Variants in GM2A observed in about 807,000 individuals in gnomAD.
GM2A encodes the protein GM2 ganglioside activator.
In GM2A, 7 loss-of-function variants were observed where a neutral mutation model predicts 12.9. The ratio of observed to expected loss-of-function variants is 0.54; its 90% CI spans 0.31 to 1.02. The LOEUF (loss-of-function observed/expected upper bound fraction) is 1.02, where lower values mean the gene tolerates loss of function less well. Ranked by LOEUF, GM2A falls within the 50% of genes least tolerant of loss-of-function variation. GM2A has a pLI of 0.05. For missense variants in GM2A, 246 were observed against 241.0 expected, an observed-to-expected ratio of 1.02 and a Z score of -0.14; for synonymous variants, 101 against 96.0, an observed-to-expected ratio of 1.05 and a Z score of -0.30.
In GM2A at chr5:151,267,481, G is replaced by C; in HGVS notation, c.*30G>C. 1 of 1,614,022 alleles carries C rather than the reference G, an allele frequency of 6.2e-7. No individual in the cohort carries two copies. Among genetic ancestry groups the C allele is most frequent in the South Asian group, 1.1e-5 (1 of 91,052 alleles). On this transcript the variant is annotated 3_prime_UTR_variant, in exon 4 of 4. Transcript: ENST00000357164. ...GCATCTGCCACAGCAGAATGGAGCG[G>C]TGTGAGGAAGGTCCCTTTTCCTCTG... is the stretch of plus-strand genomic sequence containing the variant.
At position 151,267,694 on chromosome 5, in the gene GM2A, A is replaced by G; in HGVS notation, c.*243A>G. 3 of 1,443,626 alleles carry G rather than the reference A, an allele frequency of 2.1e-6. No individual in the cohort carries two copies. The highest frequency in any genetic ancestry group is 1.2e-5 in the South Asian group (1 of 80,500). The allele number at this position is 1,443,626 out of a possible 1,614,324, so 89.4% of individuals were successfully genotyped here. On this transcript the variant is annotated 3_prime_UTR_variant, in exon 4 of 4. Transcript: ENST00000357164. Reference sequence around the variant, plus strand: ...GCCCAGGGCATCTGCTGGGCTGACCACGTTACTCATCCCCGTTAACATTCT... The same window carrying G: ...GCCCAGGGCATCTGCTGGGCTGACCGCGTTACTCATCCCCGTTAACATTCT...
At chr5:151,261,571 T>C (rs935609297) in intron 2 of GM2A, among the ~76,000 whole-genome samples, 11 of 152,342 alleles carry the variant, frequency 7.2e-5, no homozygotes, top group Non-Finnish European at 1.6e-4. Context: ...CCCAAAGTGC[T>C]GGGATTACAG....
In GM2A at chr5:151,270,096, G is replaced by A; in HGVS notation, c.*2645G>A. On this transcript the variant is annotated 3_prime_UTR_variant, in exon 4 of 4. Coordinates refer to ENST00000357164, the MANE Select transcript of GM2A (RefSeq NM_000405.5). The stretch of plus-strand genomic sequence containing the variant: ...TCTGCTCTTGGGTCATATGTTCCGT[G>A]AGGTTTCTTAGGGGTGGGGGATGAG... 1 of 1,231,246 alleles carries A rather than the reference G, an allele frequency of 8.1e-7. No individual in the cohort carries two copies. The highest frequency in any genetic ancestry group is 1.0e-6 in the Non-Finnish European group (1 of 987,954). 76.3% of individuals were successfully genotyped at this position (1,231,246 alleles called of 1,614,324 possible).
intron 2 of GM2A, among the ~76,000 whole-genome samples, chr5:151,260,929 A>G (rs1203139391): frequency 6.6e-6 from 1 of 151,526 alleles, no homozygotes; most frequent in Non-Finnish European, 1.5e-5. Context: ...TATACTTGCT[A>G]TTTTTTTTGC....
At chr5:151,262,425 A>G (rs369518260) in intron 2 of GM2A, among the ~76,000 whole-genome samples, 42 of 152,366 alleles carry the variant, frequency 2.8e-4, no homozygotes, top group African/African-American at 9.9e-4. Context: ...TACCTGAGTT[A>G]GAAAATCATG....
At chr5:151,256,046 G>A (rs967895746) in intron 1 of GM2A, among the ~76,000 whole-genome samples, 2 of 152,126 alleles carry the variant, frequency 1.3e-5, no homozygotes, top group Non-Finnish European at 2.9e-5. Context: ...TAAAGATGGG[G>A]GTGGGGGGTG....
chr5:151,254,748 A>G (rs567393525), intron 1 of GM2A, among the ~76,000 whole-genome samples: 3 of 152,340 alleles, frequency 2.0e-5, no homozygotes, highest in Admixed American at 2.0e-4. Flanking sequence ...AATATCATCT[A>G]ACACAAAGCC....
chr5:151,261,746 G>A (rs543570114), intron 2 of GM2A, among the ~76,000 whole-genome samples: 8 of 151,716 alleles, frequency 5.3e-5, no homozygotes, highest in Non-Finnish European at 4.4e-5. Flanking sequence ...GCTACTTTTT[G>A]TATTTTTAGT....
At chr5:151,262,435 G>A (rs1394894068) in intron 2 of GM2A, among the ~76,000 whole-genome samples, 9 of 152,206 alleles carry the variant, frequency 5.9e-5, no homozygotes, top group African/African-American at 2.2e-4. Flanking sequence ...AGAAAATCAT[G>A]TGGAAAGTGC....
rs751291017 is a variant in GM2A, at chr5:151,267,444, G to A, written c.575G>A (p.Gly192Asp). The A allele has an allele frequency of 1.2e-6, 2 of 1,614,120 alleles. No homozygotes were observed. The highest frequency in any genetic ancestry group is 2.2e-5 in the East Asian group (1 of 44,888). The stretch of plus-strand genomic sequence containing the variant: ...ATCAAGATCGCTGCCTCTCTAAAGG[G>A]CATATAACATGGCATCTGCCACAGC... ...GCIKIAASLK[G>D]I Residue 192 changes from glycine to aspartate, a missense_variant, in exon 4 of 4, where the codon GGC becomes GAC. Gly to Asp is a moderately conservative substitution (Grantham distance 94). Transcript: ENST00000357164.
At chr5:151,261,978 A>G (rs554566738) in intron 2 of GM2A, among the ~76,000 whole-genome samples, 2 of 152,312 alleles carry the variant, frequency 1.3e-5, no homozygotes, top group African/African-American at 2.4e-5. Flanking sequence ...TTCTCTAGAT[A>G]CACACTTTTT....
At position 151,268,815 on chromosome 5, in the gene GM2A, CTGGCTCATGGG is replaced by C. The variant is rs1446528056; in HGVS notation, c.*1369_*1379del. The C allele has an allele frequency of 1.0e-6, 1 of 954,092 alleles. No individual in the cohort carries two copies. Among genetic ancestry groups the C allele is most frequent in the Non-Finnish European group, 1.2e-6 (1 of 801,398 alleles). The allele number at this position is 954,092 out of a possible 1,614,324, so 59.1% of individuals were successfully genotyped here. On this transcript the variant is annotated 3_prime_UTR_variant, in exon 4 of 4. Transcript: ENST00000357164. The stretch of plus-strand genomic sequence containing the variant: ...TGCAGTGTGATGTGTCCCAAACGGA[CTGGCTCATGGG>C]TGGCCACGTCACAACCTCTGATCTC...
intron 2 of GM2A, among the ~76,000 whole-genome samples, chr5:151,261,992 T>A (rs1445866576): frequency 6.6e-6 from 1 of 152,208 alleles, no homozygotes; most frequent in Non-Finnish European, 1.5e-5. Flanking sequence ...ACTTTTTAGG[T>A]CTTTTGATAC....
intron 3 of GM2A, 166 bp from the exon 4 acceptor site, chr5:151,267,130 T>C (rs1006876906): frequency 1.9e-5 from 18 of 946,302 alleles, no homozygotes; most frequent in Non-Finnish European, 2.7e-5. Context: ...CCTTTATCCA[T>C]AATAATCCAT....
rs564645016 is a variant in GM2A at position 151,260,654 on chromosome 5, C to T, written c.243+738C>T. On this transcript the variant is annotated intron_variant, in intron 2 of 3. Transcript: ENST00000357164. ...ATAAATAAAATAAATCACTTGAAAT[C>T]TCACTACCTAGTGATAAGGGATAAG... Among the ~76,000 whole-genome samples, 5 of 152,274 alleles carry T rather than the reference C, an allele frequency of 3.3e-5. No homozygotes were observed. In the South Asian group the frequency reaches 1.0e-3, roughly 32 times the overall value.
In GM2A at chr5:151,253,273, C is replaced by T; in HGVS notation, c.57C>T (p.Ala19=). 4 of 1,613,808 alleles carry T rather than the reference C, an allele frequency of 2.5e-6. No individual in the cohort carries two copies. Among genetic ancestry groups the T allele is most frequent in the Non-Finnish European group, 3.4e-6 (4 of 1,179,778 alleles). The change falls in exon 1 of 4, where the codon GCC becomes GCT. Residue 19 remains alanine, a synonymous_variant. Transcript: ENST00000357164. Reference sequence around the variant, plus strand: ...TCGCCCTGGGCTTGCTTCTCGCGGCCCCTGCGCAAGCCCACCTGAAAAAGG... The same window carrying T: ...TCGCCCTGGGCTTGCTTCTCGCGGCTCCTGCGCAAGCCCACCTGAAAAAGG... ...LLIALGLLLA[A]PAQAHLKKPS... is the part of the protein sequence containing the mutation.
intron 1 of GM2A, among the ~76,000 whole-genome samples, chr5:151,258,280 T>C (rs1753729233): frequency 1.3e-5 from 2 of 152,262 alleles, no homozygotes; most frequent in East Asian, 3.8e-4. Context: ...GCTCCCGTGT[T>C]GTGCCTGGCA....
intron 1 of GM2A, among the ~76,000 whole-genome samples, chr5:151,257,542 A>G (rs571286444): frequency 5.9e-5 from 9 of 152,210 alleles, no homozygotes; most frequent in East Asian, 1.9e-4. Context: ...ATTCCAGGCA[A>G]TCTTTCCCTT....
At chr5:151,264,219 C>T (rs774393820) in intron 2 of GM2A, among the ~76,000 whole-genome samples, 1 of 152,252 alleles carries the variant, frequency 6.6e-6, no homozygotes, top group African/African-American at 2.4e-5. Context: ...ACCCTGCTTC[C>T]TTTTCTGAGT....
Sources: allele counts gnomAD v4.1 joint callset (sites outside exome capture counted in the v4.1 genomes callset), GRCh38; gene constraint gnomAD v4.1.1; transcripts MANE v1.5; gene names NCBI Gene and HGNC (gene_info 2026-07-23, HGNC 2026-07-21).